MID2: variants seen among roughly 807,000 people sequenced by gnomAD.
The protein encoded by MID2 is probable E3 ubiquitin-protein ligase MID2.
In MID2, 13 loss-of-function variants were observed where a neutral mutation model predicts 46.1. That is an observed-to-expected ratio of 0.28 (90% CI 0.18 to 0.45). The LOEUF is 0.45. MID2 is among the 20% of genes least tolerant of loss of function. MID2 has a pLI of 1.00. For missense variants in MID2, 431 were observed against 575.4 expected, an observed-to-expected ratio of 0.75 and a Z score of 2.57; for synonymous variants, 199 against 212.3, an observed-to-expected ratio of 0.94 and a Z score of 0.55.
intron 2 of MID2, among the ~76,000 whole-genome samples, chrX:107,844,362 T>C (rs1486707200): frequency 2.7e-5 from 3 of 111,553 alleles, no homozygotes; most frequent in Non-Finnish European, 5.6e-5. Context: ...TATTCAATTT[T>C]AAATAATATT....
In MID2 at chrX:107,857,441, C is replaced by T. The variant is rs150265191; in HGVS notation, c.816+2737C>T. Among the ~76,000 whole-genome samples, 248 of 111,607 alleles carry T rather than the reference C, an allele frequency of 2.2e-3. 2 individuals carry two copies. Among genetic ancestry groups the T allele is most frequent in the African/African-American group, 7.6e-3 (232 of 30,703 alleles). On this transcript the variant is annotated intron_variant, in intron 3 of 9. Coordinates refer to ENST00000262843, the MANE Select transcript of MID2 (RefSeq NM_012216.4). ...GATTACAGGCACACGCCACCATGCC[C>T]GCCTAATTTCTTGTATTTTAGTAGA...
chrX:107,856,784 A>G (rs1931746454), intron 3 of MID2, among the ~76,000 whole-genome samples: 2 of 112,633 alleles, frequency 1.8e-5, no homozygotes. Flanking sequence ...CCTGAGTCTT[A>G]ATGAGGTGAC....
At chrX:107,924,573 G>GTACTCCATGC in intron 8 of MID2, 69 bp downstream of exon 8, 1 of 1,091,206 alleles carries the variant, frequency 9.2e-7, no homozygotes, top group Non-Finnish European at 1.3e-6. Flanking sequence ...CACAGCCTGA[G>GTACTCCATGC]CAGGCACTCA....
chrX:107,853,973 G>C (rs1468019116), intron 2 of MID2, among the ~76,000 whole-genome samples: 1 of 111,658 alleles, frequency 9.0e-6, no homozygotes, highest in African/African-American at 3.3e-5. Flanking sequence ...TTTTTAAATA[G>C]TATATATGAA....
Position 107,827,262 on chromosome X carries a change from C to T in MID2, c.4+832C>T, listed in dbSNP as rs1322189071. On this transcript the variant is annotated intron_variant, in intron 1 of 9. Coordinates refer to ENST00000262843, the MANE Select transcript of MID2 (RefSeq NM_012216.4). ...CTGCAGTCGTTGTACTCTTTACTTT[C>T]TCTCTTCCACGGTCCCCTACCCGTT... 4.5e-5 allele frequency among the ~76,000 whole-genome samples: 5 copies of T among 111,366 alleles called. No homozygotes were observed. In the Admixed American group the frequency reaches 4.7e-4, roughly 11 times the overall value.
At chrX:107,905,214 A>G (rs1932825950) in intron 4 of MID2, among the ~76,000 whole-genome samples, 1 of 111,062 alleles carries the variant, frequency 9.0e-6, no homozygotes, top group African/African-American at 3.3e-5. Context: ...TAGTGTTACT[A>G]ATACACAGAG....
intron 3 of MID2, among the ~76,000 whole-genome samples, chrX:107,901,947 A>G (rs1932797686): frequency 8.9e-6 from 1 of 111,884 alleles, no homozygotes; most frequent in African/African-American, 3.2e-5. Context: ...CAGAATAAAG[A>G]TGGATGATTT....
intron 2 of MID2, among the ~76,000 whole-genome samples, chrX:107,844,643 T>A (rs923857088): frequency 4.5e-5 from 5 of 111,358 alleles, no homozygotes; most frequent in Non-Finnish European, 9.4e-5. Context: ...CAACTCAATA[T>A]TATAAGTCCC....
At chrX:107,854,443 A>C (rs778261423) in intron 2 of MID2, among the ~76,000 whole-genome samples, 166 bp from the exon 3 acceptor site, 1 of 112,348 alleles carries the variant, frequency 8.9e-6, no homozygotes, top group Non-Finnish European at 1.9e-5. Flanking sequence ...CAGCATTATT[A>C]ATTTGTACGT....
chrX:107,840,450 G>GT (rs1386007037), intron 1 of MID2, among the ~76,000 whole-genome samples: 1 of 112,073 alleles, frequency 8.9e-6, no homozygotes, highest in Non-Finnish European at 1.9e-5. Flanking sequence ...TGGCCATTTG[G>GT]TTTTATCTAT....
intron 8 of MID2, 36 bp from the exon 9 acceptor site, chrX:107,926,058 T>C (rs761175129): frequency 9.5e-7 from 1 of 1,049,833 alleles, no homozygotes; most frequent in East Asian, 3.0e-5. Context: ...TACTTCATAG[T>C]GCTTTTTCTT....
At chrX:107,840,532 T>C in intron 1 of MID2, 138 bp from the exon 2 acceptor site, 1 of 484,254 alleles carries the variant, frequency 2.1e-6, no homozygotes. Flanking sequence ...TCCTGATTAG[T>C]TCCCAAATTG....
intron 3 of MID2, among the ~76,000 whole-genome samples, chrX:107,887,378 T>G (rs1932478981): frequency 8.9e-6 from 1 of 112,395 alleles, no homozygotes; most frequent in African/African-American, 3.2e-5. Context: ...TCTATTGAGA[T>G]AATCATCTGG....
chrX:107,874,853 C>T (rs1344631953), intron 3 of MID2, among the ~76,000 whole-genome samples: 4 of 111,275 alleles, frequency 3.6e-5, no homozygotes, highest in Non-Finnish European at 7.5e-5. Flanking sequence ...GCTCTGGTCC[C>T]CTCTGACAAG....
intron 3 of MID2, among the ~76,000 whole-genome samples, chrX:107,889,748 G>T (rs190418930): frequency 7.1e-5 from 8 of 111,906 alleles, no homozygotes; most frequent in Non-Finnish European, 7.5e-5. Context: ...GTCACTTTCA[G>T]GTACACCAAT....
At chrX:107,916,847 A>C (rs1179408469) in intron 6 of MID2, among the ~76,000 whole-genome samples, 1 of 112,876 alleles carries the variant, frequency 8.9e-6, no homozygotes, top group Non-Finnish European at 1.9e-5. Context: ...TACAGCTAAA[A>C]ATATATAATG....
At chrX:107,873,639 C>G (rs1932126200) in intron 3 of MID2, among the ~76,000 whole-genome samples, 1 of 111,940 alleles carries the variant, frequency 8.9e-6, no homozygotes. Flanking sequence ...CTTAAGGGGC[C>G]CTCTCAGATC....
rs1931549505 is a variant in MID2, at chrX:107,848,949, C to T, written c.721-5660C>T. Among the ~76,000 whole-genome samples the T allele has an allele frequency of 4.5e-5, 5 of 111,938 alleles. No individual in the cohort carries two copies. In the South Asian group the frequency reaches 1.9e-3, roughly 42 times the overall value. On this transcript the variant is annotated intron_variant, in intron 2 of 9. Coordinates refer to ENST00000262843, the MANE Select transcript of MID2 (RefSeq NM_012216.4). The stretch of plus-strand genomic sequence containing the variant: ...GACAGGATGTCAAAAAAGAGCATGT[C>T]AAAGAATAGTAATGGGGCCACTGGC...
At position 107,853,796 on chromosome X, in the gene MID2, A is replaced by G. The variant is rs189221967; in HGVS notation, c.721-813A>G. 4.1e-3 allele frequency among the ~76,000 whole-genome samples: 456 copies of G among 111,863 alleles called. 1 individual carries two copies. The highest frequency in any genetic ancestry group is 6.2e-3 in the Non-Finnish European group (332 of 53,233). ...ATTATAATCAAAAACAAAAAAAGTC[A>G]TGGAATACTGCAGCAAAACTGTGAC... On this transcript the variant is annotated intron_variant, in intron 2 of 9. Transcript: ENST00000262843.
Sources: gnomAD v4.1 joint callset for allele counts (sites outside exome capture counted in the v4.1 genomes callset) on GRCh38, gnomAD v4.1.1 for gene constraint, MANE v1.5 for transcripts, NCBI Gene and HGNC (gene_info 2026-07-23, HGNC 2026-07-21) for gene names.